SULT1E1: variants seen among roughly 807,000 people sequenced by gnomAD.
SULT1E1 encodes sulfotransferase family 1E member 1, also known as sulfotransferase 1E1.
In SULT1E1, 36 loss-of-function variants were observed where a neutral mutation model predicts 33.6. The observed-to-expected ratio is 1.07, with a 90% CI of 0.82 to 1.41. SULT1E1 has a LOEUF of 1.41. Among genes scored for constraint, SULT1E1 ranks in the 40% most tolerant of loss-of-function variants. The pLI is 0.00. For synonymous variants in SULT1E1, 121 were observed against 111.7 expected, an observed-to-expected ratio of 1.08 and a Z score of -0.53; for missense variants, 371 against 345.7, an observed-to-expected ratio of 1.07 and a Z score of -0.58.
chr4:69,823,807 A>C, the SULT1E1 span, among the ~76,000 whole-genome samples: 2 of 152,138 alleles, frequency 1.3e-5, no homozygotes, highest in Non-Finnish European at 2.9e-5. Context: ...CCTGTAGGCA[A>C]AGACTGTGCC....
intron 3 of SULT1E1, among the ~76,000 whole-genome samples, chr4:69,854,632 A>G (rs550706797): frequency 6.6e-6 from 1 of 152,034 alleles, no homozygotes; most frequent in African/African-American, 2.4e-5. Flanking sequence ...AGAAATATAG[A>G]TAGAGAAAAT....
Position 69,857,621 on chromosome 4 carries a change from A to G in SULT1E1, c.24T>C (p.Tyr8=), listed in dbSNP as rs770601297. The change falls in exon 2 of 8, where the codon TAT becomes TAC. Residue 8 remains tyrosine, a synonymous_variant. Coordinates refer to ENST00000226444, the MANE Select transcript of SULT1E1 (RefSeq NM_005420.3). The part of the protein sequence containing the change: MNSELDY[Y]EKFEEVHGIL... Reference sequence around the variant, plus strand: ...TCCCATGGACTTCTTCAAACTTTTCATAATAGTCAAGTTCAGAATTCATTG... The same window carrying G: ...TCCCATGGACTTCTTCAAACTTTTCGTAATAGTCAAGTTCAGAATTCATTG... 2 of 1,605,078 alleles carry G rather than the reference A, an allele frequency of 1.2e-6. No homozygotes were observed. Among genetic ancestry groups the G allele is most frequent in the Admixed American group, 1.7e-5 (1 of 57,614 alleles).
chr4:69,832,731 T>C, the SULT1E1 span, among the ~76,000 whole-genome samples: 1 of 152,274 alleles, frequency 6.6e-6, no homozygotes, highest in South Asian at 2.1e-4. Flanking sequence ...CTCAGGCACG[T>C]CTGGTGACCT....
chr4:69,840,199 A>AT (rs1720857705), downstream of SULT1E1, among the ~76,000 whole-genome samples: 1 of 152,020 alleles, frequency 6.6e-6, no homozygotes. Flanking sequence ...ATTAATAACT[A>AT]TATTAAACAT....
At chr4:69,821,543 C>T in the SULT1E1 span, among the ~76,000 whole-genome samples, 4 of 152,300 alleles carry the variant, frequency 2.6e-5, no homozygotes, top group South Asian at 4.1e-4. Context: ...CTTCACTTTT[C>T]TCCTGTCAGT....
chr4:69,834,006 T>A, the SULT1E1 span, among the ~76,000 whole-genome samples: 1 of 152,214 alleles, frequency 6.6e-6, no homozygotes, highest in Non-Finnish European at 1.5e-5. Context: ...TTAGCTTTAG[T>A]TGTACCAGTT....
chr4:69,831,122 G>A, the SULT1E1 span, among the ~76,000 whole-genome samples: 1 of 152,156 alleles, frequency 6.6e-6, no homozygotes, highest in East Asian at 1.9e-4. Context: ...GGGCAGCTGG[G>A]GCAGTTGGCC....
chr4:69,829,322 G>A, the SULT1E1 span, among the ~76,000 whole-genome samples: 44 of 152,296 alleles, frequency 2.9e-4, no homozygotes, highest in African/African-American at 9.9e-4. Context: ...CTAAGTGTTT[G>A]TGGATTCCCC....
the SULT1E1 span, among the ~76,000 whole-genome samples, chr4:69,835,691 A>G: frequency 6.6e-6 from 1 of 152,248 alleles, no homozygotes; most frequent in Non-Finnish European, 1.5e-5. Context: ...AACTAATAAT[A>G]ATAGTTTTGA....
At chr4:69,824,514 T>G in the SULT1E1 span, among the ~76,000 whole-genome samples, 3 of 152,148 alleles carry the variant, frequency 2.0e-5, no homozygotes, top group Non-Finnish European at 2.9e-5. Flanking sequence ...GGTTTAGCCA[T>G]GAGCAAGAAA....
chr4:69,836,349 G>A (rs963080263), downstream of SULT1E1, among the ~76,000 whole-genome samples: 2 of 152,162 alleles, frequency 1.3e-5, no homozygotes, highest in African/African-American at 2.4e-5. Flanking sequence ...TAGACTTTAA[G>A]TGGAGATAAT....
At chr4:69,831,560 G>A in the SULT1E1 span, among the ~76,000 whole-genome samples, 1 of 152,074 alleles carries the variant, frequency 6.6e-6, no homozygotes, top group African/African-American at 2.4e-5. Flanking sequence ...CTCAACCTTT[G>A]GGGGGTCAGT....
At chr4:69,829,670 A>G in the SULT1E1 span, among the ~76,000 whole-genome samples, 1 of 152,152 alleles carries the variant, frequency 6.6e-6, no homozygotes, top group Non-Finnish European at 1.5e-5. Flanking sequence ...AAGGAACTGG[A>G]CAATTTGGAA....
chr4:69,825,489 C>T, the SULT1E1 span, among the ~76,000 whole-genome samples: 4 of 152,030 alleles, frequency 2.6e-5, no homozygotes, highest in Non-Finnish European at 5.9e-5. Flanking sequence ...CCTTAGAATT[C>T]GGGGGCTAAA....
chr4:69,835,111 T>C, the SULT1E1 span, among the ~76,000 whole-genome samples: 3 of 152,210 alleles, frequency 2.0e-5, no homozygotes, highest in Non-Finnish European at 4.4e-5. Context: ...CTCTTTTACC[T>C]AGTCCTTCAC....
chr4:69,843,979 T>G (rs986615640), intron 7 of SULT1E1, among the ~76,000 whole-genome samples, 182 bp downstream of exon 7: 1 of 152,190 alleles, frequency 6.6e-6, no homozygotes, highest in Non-Finnish European at 1.5e-5. Flanking sequence ...ATATAATAAA[T>G]AATCAACAGG....
At chr4:69,836,446 G>C (rs754204108), downstream of SULT1E1, among the ~76,000 whole-genome samples, 7 of 152,164 alleles carry the variant, frequency 4.6e-5, no homozygotes, top group Non-Finnish European at 1.0e-4. Flanking sequence ...GTGTAGTCAA[G>C]AAGTAGGATG....
downstream of SULT1E1, among the ~76,000 whole-genome samples, chr4:69,841,047 G>T (rs189354003): frequency 2.4e-3 from 360 of 151,690 alleles, 2 homozygotes; most frequent in Non-Finnish European, 4.4e-3. Flanking sequence ...GTGAGACTCC[G>T]TCTCAAAAAA....
chr4:69,856,223 T>C (rs1316667322), intron 2 of SULT1E1, among the ~76,000 whole-genome samples: 1 of 152,128 alleles, frequency 6.6e-6, no homozygotes, highest in African/African-American at 2.4e-5. Context: ...AATCAAAGGG[T>C]CTATCTGAAG....
Sources: gnomAD v4.1 joint callset for allele counts (sites outside exome capture counted in the v4.1 genomes callset) on GRCh38, gnomAD v4.1.1 for gene constraint, MANE v1.5 for transcripts, NCBI Gene and HGNC (gene_info 2026-07-23, HGNC 2026-07-21) for gene names.